The following PSORS1C1 variants were observed in gnomAD, a reference collection of about 807,000 sequenced individuals.
The protein encoded by PSORS1C1 is psoriasis susceptibility 1 candidate 1.
Under a neutral mutation model 9.4 loss-of-function variants are expected in PSORS1C1, and 7 were observed. That is an observed-to-expected ratio of 0.75 (90% CI 0.42 to 1.40). The LOEUF (loss-of-function observed/expected upper bound fraction) is 1.40, where lower values mean the gene tolerates loss of function less well. PSORS1C1 is among the 40% of genes most tolerant of loss of function. PSORS1C1 has a pLI of 0.01. For synonymous variants in PSORS1C1, 63 were observed against 69.4 expected (o/e 0.91, Z 0.46); for missense variants, 146 against 178.1 (o/e 0.82, Z 1.02).
chr6:31,139,174 G>T lies in PSORS1C1; in HGVS notation c.167+395G>T. 4 of 654,332 alleles carry T rather than the reference G, an allele frequency of 6.1e-6. No homozygotes were observed. Among genetic ancestry groups the T allele is most frequent in the Non-Finnish European group, 1.1e-5 (4 of 374,486 alleles). The allele number at this position is 654,332 out of a possible 1,614,324, so 40.5% of individuals were successfully genotyped here. A position where few individuals can be genotyped will look rare whatever the true frequency, so the allele number is the denominator to read the frequency against. ...AGAACTGGTCAAACCCGTTGGGAAG[G>T]CCTGGGCTGATGTGTCACCCCTGAA... is the stretch of plus-strand genomic sequence containing the variant. On this transcript the variant is annotated intron_variant, in intron 5 of 5. Transcript: ENST00000259881. The surrounding 1 kb of genome is among the most constrained non-coding windows in gnomAD (Gnocchi z 5.2).
chr6:31,122,921 G>A (rs1772525838), intron 1 of PSORS1C1, among the ~76,000 whole-genome samples: 2 of 152,166 alleles, frequency 1.3e-5, no homozygotes, highest in Admixed American at 6.5e-5. Flanking sequence ...AGGGCAGGGA[G>A]GAGTGGACTA....
intron 3 of PSORS1C1, among the ~76,000 whole-genome samples, chr6:31,133,974 T>G (rs1038399195): frequency 3.3e-5 from 5 of 151,508 alleles, no homozygotes; most frequent in African/African-American, 1.2e-4. Flanking sequence ...CCACATGTAG[T>G]TTTTTTTTGT....
intron 1 of PSORS1C1, chr6:31,117,507 G>T: frequency 6.4e-7 from 1 of 1,551,010 alleles, no homozygotes. Context: ...CTGAGAAGGT[G>T]CCAATGCTCT....
At chr6:31,131,790 T>C (rs1338902486) in intron 3 of PSORS1C1, among the ~76,000 whole-genome samples, 2 of 152,174 alleles carry the variant, frequency 1.3e-5, no homozygotes, top group African/African-American at 4.8e-5. Flanking sequence ...GTTATGCAAA[T>C]TAAACGAGAG....
chr6:31,129,557 C>G lies in PSORS1C1; in HGVS notation c.-64-12C>G. 1 of 776,120 alleles carries G rather than the reference C, an allele frequency of 1.3e-6. No individual in the cohort carries two copies. The allele number at this position is 776,120 out of a possible 1,614,324, so 48.1% of individuals were successfully genotyped here. On this transcript the variant is annotated splice_polypyrimidine_tract_variant and intron_variant, in intron 2 of 5. Coordinates refer to ENST00000259881, the MANE Select transcript of PSORS1C1 (RefSeq NM_014068.3). The stretch of plus-strand genomic sequence containing the variant: ...CCCCTTCTCTTTCCCACTCACCTAC[C>G]TGCCATGTCAGCCTGGGAAGAATTG...
chr6:31,118,905 C>T (rs12207756), intron 1 of PSORS1C1: 18,649 of 135,598 alleles, frequency 0.14, 1,291 homozygotes, highest in Middle Eastern at 0.24. Flanking sequence ...TGCAATAACA[C>T]GGTCTCAGCT....
intron 1 of PSORS1C1, chr6:31,120,552 G>A: frequency 1.3e-6 from 1 of 779,206 alleles, no homozygotes. Flanking sequence ...TGCCCCAGGG[G>A]AAGTTGGTGT....
chr6:31,120,285 G>A (rs755634615), intron 1 of PSORS1C1: 15 of 1,407,918 alleles, frequency 1.1e-5, no homozygotes, highest in East Asian at 4.9e-5. Flanking sequence ...GTCCTCTCCC[G>A]GAGTCTCCCT....
intron 1 of PSORS1C1, among the ~76,000 whole-genome samples, chr6:31,121,401 C>T (rs1397211000): frequency 6.6e-6 from 1 of 152,212 alleles, no homozygotes; most frequent in African/African-American, 2.4e-5. Flanking sequence ...CAGCAGCCAG[C>T]TCTGGGCAGG....
chr6:31,131,239 C>T (rs1466653952), intron 3 of PSORS1C1, among the ~76,000 whole-genome samples: 2 of 152,070 alleles, frequency 1.3e-5, no homozygotes, highest in Non-Finnish European at 1.5e-5. Flanking sequence ...ACAAAACACA[C>T]ATTAAGTGTG....
intron 1 of PSORS1C1, among the ~76,000 whole-genome samples, chr6:31,125,302 T>C (rs981139802): frequency 1.3e-5 from 2 of 151,944 alleles, no homozygotes; most frequent in Admixed American, 1.3e-4. Flanking sequence ...TCCTCTCCTC[T>C]CTCTTTCTCC....
intron 2 of PSORS1C1, among the ~76,000 whole-genome samples, chr6:31,127,620 C>T (rs903813859): frequency 3.7e-4 from 51 of 137,224 alleles, no homozygotes; most frequent in African/African-American, 2.7e-5. Flanking sequence ...CGTAGCCCAG[C>T]CTGGCCAACA....
chr6:31,117,206 T>C (rs747766067), intron 1 of PSORS1C1: 2 of 1,614,074 alleles, frequency 1.2e-6, no homozygotes, highest in East Asian at 2.2e-5. Flanking sequence ...TGAGAGCTGC[T>C]GCTCCCCAGC....
chr6:31,122,026 C>A (rs1477090434), intron 1 of PSORS1C1, among the ~76,000 whole-genome samples: 1 of 152,060 alleles, frequency 6.6e-6, no homozygotes, highest in Non-Finnish European at 1.5e-5. Context: ...AGGACAGGGT[C>A]CCCTGAAGGG....
intron 2 of PSORS1C1, among the ~76,000 whole-genome samples, chr6:31,126,645 C>T (rs1242772163): frequency 6.6e-6 from 1 of 152,212 alleles, no homozygotes; most frequent in African/African-American, 2.4e-5. Flanking sequence ...TGCCAGCCTC[C>T]GACGGGCCCA....
At chr6:31,131,821 C>T (rs1387959825) in intron 3 of PSORS1C1, among the ~76,000 whole-genome samples, 1 of 152,202 alleles carries the variant, frequency 6.6e-6, no homozygotes, top group Non-Finnish European at 1.5e-5. Flanking sequence ...AGAGCATTTA[C>T]CAACAGTGCC....
rs1468172325 is a variant in PSORS1C1, at chr6:31,138,703, C to A, written c.91C>A (p.Pro31Thr). ...AGGACCCCAGCTCCTTAACACAGAT[C>A]CCAGCTCCGAGGAAACTCGTCCCCC... ...LQGPQLLNTD[P>T]SSEETRPPHV... The change falls in exon 5 of 6, where the codon CCC (proline) becomes ACC (threonine). Residue 31 changes from proline (P) to threonine (T), a missense_variant. Pro to Thr is a conservative substitution (Grantham distance 38, BLOSUM62 -1). Coordinates refer to ENST00000259881, the MANE Select transcript of PSORS1C1 (RefSeq NM_014068.3). 1 of 1,609,592 alleles carries A rather than the reference C, an allele frequency of 6.2e-7. No individual in the cohort carries two copies.
Position 31,129,579 on chromosome 6 carries a change from A to T in PSORS1C1, c.-54A>T, listed in dbSNP as rs568846192. ...TACCTGCCATGTCAGCCTGGGAAGA[A>T]TTGGTTTGCAGCCAGGCAGTCCTCC... On this transcript the variant is annotated 5_prime_UTR_variant, in exon 3 of 6. Coordinates refer to ENST00000259881, the MANE Select transcript of PSORS1C1 (RefSeq NM_014068.3). 1 of 778,720 alleles carries T rather than the reference A, an allele frequency of 1.3e-6. No homozygotes were observed. Among genetic ancestry groups the T allele is most frequent in the Admixed American group, 1.7e-5 (1 of 58,794 alleles). The allele number at this position is 778,720 out of a possible 1,614,324, so 48.2% of individuals were successfully genotyped here.
chr6:31,124,346 C>T (rs1375592494), intron 1 of PSORS1C1, among the ~76,000 whole-genome samples: 2 of 152,164 alleles, frequency 1.3e-5, no homozygotes, highest in South Asian at 2.1e-4. Flanking sequence ...CAGGCGGACA[C>T]GGTGCCTGGG....
Sources: allele counts gnomAD v4.1 joint callset (sites outside exome capture counted in the v4.1 genomes callset), GRCh38; gene constraint gnomAD v4.1.1; non-coding constraint Gnocchi (gnomAD v3.1); transcripts MANE v1.5; gene names NCBI Gene and HGNC (gene_info 2026-07-23, HGNC 2026-07-21).